Variants in ZFP1 observed in about 807,000 individuals in gnomAD.
ZFP1 encodes zinc finger protein 1 homolog.
A neutral mutation model predicts 38.5 loss-of-function variants in ZFP1; 32 were observed. That is an observed-to-expected ratio of 0.83 (90% CI 0.63 to 1.12). The LOEUF (loss-of-function observed/expected upper bound fraction) is 1.12, where lower values mean the gene tolerates loss of function less well. ZFP1 is among the 50% of genes most tolerant of loss of function. The pLI is 0.00. For missense variants in ZFP1, 616 were observed against 480.8 expected, an observed-to-expected ratio of 1.28 and a Z score of -2.63; for synonymous variants, 245 against 168.8, an observed-to-expected ratio of 1.45 and a Z score of -3.50.
Position 75,169,516 on chromosome 16 carries a change from G to T in ZFP1, c.406G>T (p.Glu136Ter). ...YAGKQTDECN[E>*]FGKALLYLKQ... ...AGGAAAGCAGACTGATGAGTGTAAT[G>T]AATTTGGAAAAGCACTTCTCTACCT... Residue 136 changes from glutamate to a stop codon, truncating the protein, a stop_gained, in exon 4 of 4, where the codon GAA becomes TAA. Coordinates refer to ENST00000570010, the MANE Select transcript of ZFP1 (RefSeq NM_153688.4). LOFTEE classifies it high-confidence loss of function. 6.2e-7 allele frequency: 1 copy of T among 1,613,206 alleles called. No individual in the cohort carries two copies. Among genetic ancestry groups the T allele is most frequent in the South Asian group, 1.1e-5 (1 of 90,838 alleles).
In ZFP1 at chr16:75,171,794, G is replaced by A. The variant is rs530647274; in HGVS notation, c.*1460G>A. On this transcript the variant is annotated 3_prime_UTR_variant, in exon 4 of 4. Transcript: ENST00000570010. The stretch of plus-strand genomic sequence containing the variant: ...AACATCCATAGCCCAATAAGCTTTT[G>A]TCTAAGTTGTCATCTTACTTACTCA... 6.6e-6 allele frequency: 1 copy of A among 152,182 alleles called. No individual in the cohort carries two copies. The highest frequency in any genetic ancestry group is 1.5e-5 in the Non-Finnish European group (1 of 68,026). 9.4% of individuals were successfully genotyped at this position (152,182 alleles called of 1,614,324 possible).
At chr16:75,127,351 G>T in the ZFP1 span, among the ~76,000 whole-genome samples, 2 of 152,140 alleles carry the variant, frequency 1.3e-5, no homozygotes, top group South Asian at 2.1e-4. Flanking sequence ...CTGGGCTCAA[G>T]TGATTCTTAA....
chr16:75,163,500 C>T (rs922078034), intron 2 of ZFP1, among the ~76,000 whole-genome samples: 1 of 151,660 alleles, frequency 6.6e-6, no homozygotes, highest in Non-Finnish European at 1.5e-5. Flanking sequence ...TTAGTAGAGA[C>T]GGGGTTTCAC....
the ZFP1 span, among the ~76,000 whole-genome samples, chr16:75,129,525 G>T: frequency 6.6e-6 from 1 of 152,152 alleles, no homozygotes. Context: ...CCTTTTGCCT[G>T]TCTTGGAGAG....
the ZFP1 span, among the ~76,000 whole-genome samples, chr16:75,139,926 A>G: frequency 6.6e-6 from 1 of 152,202 alleles, no homozygotes; most frequent in African/African-American, 2.4e-5. Flanking sequence ...ACACTTGAAA[A>G]TGGTTAAGAT....
At chr16:75,121,886 G>T in the ZFP1 span, among the ~76,000 whole-genome samples, 1 of 152,086 alleles carries the variant, frequency 6.6e-6, no homozygotes, top group African/African-American at 2.4e-5. Context: ...CTGAAGAATT[G>T]CCAGCATACA....
chr16:75,170,611 T>C lies in ZFP1; in HGVS notation c.*277T>C, dbSNP rs1162406605. 3.0e-6 allele frequency: 1 copy of C among 329,178 alleles called. No homozygotes were observed. Among genetic ancestry groups the C allele is most frequent in the Non-Finnish European group, 5.4e-6 (1 of 183,568 alleles). 20.4% of individuals were successfully genotyped at this position (329,178 alleles called of 1,614,324 possible). A position where few individuals can be genotyped will look rare whatever the true frequency, so the allele number is the denominator to read the frequency against. ...AAAATCTTGAATGAATTGAGTATTC[T>C]AGACAGCAGCATAAGAAATATACAA... On this transcript the variant is annotated 3_prime_UTR_variant, in exon 4 of 4. Coordinates refer to ENST00000570010, the MANE Select transcript of ZFP1 (RefSeq NM_153688.4).
At position 75,160,735 on chromosome 16, in the gene ZFP1, G is replaced by A. The variant is rs187453987; in HGVS notation, c.16-6035G>A. Among the ~76,000 whole-genome samples the A allele has an allele frequency of 2.7e-3, 411 of 151,946 alleles. 1 individual carries two copies. The highest frequency in any genetic ancestry group is 9.4e-3 in the African/African-American group (390 of 41,462). On this transcript the variant is annotated intron_variant, in intron 2 of 3. Coordinates refer to ENST00000570010, the MANE Select transcript of ZFP1 (RefSeq NM_153688.4). ...GAGAGTCCAAGATCAAGGTGCTGGT[G>A]AAGGCCTGGTCTCTTCTTCCAGGAT... is the stretch of plus-strand genomic sequence containing the variant.
At chr16:75,130,155 C>A in the ZFP1 span, among the ~76,000 whole-genome samples, 1 of 152,100 alleles carries the variant, frequency 6.6e-6, no homozygotes, top group East Asian at 1.9e-4. Context: ...TATGCACTAC[C>A]ACACCTGGCT....
the ZFP1 span, among the ~76,000 whole-genome samples, chr16:75,136,901 C>T: frequency 1.3e-5 from 2 of 151,782 alleles, no homozygotes; most frequent in Admixed American, 1.3e-4. Context: ...AAAAAAGGAC[C>T]CTGTTTGTAG....
At chr16:75,148,979 C>T (rs1370725529) in intron 1 of ZFP1, 1 of 151,182 alleles carries the variant, frequency 6.6e-6, no homozygotes, top group Non-Finnish European at 1.5e-5. Flanking sequence ...CGCGCGCGCG[C>T]GGGACGAGGC....
chr16:75,163,230 C>T (rs1012082664), intron 2 of ZFP1, among the ~76,000 whole-genome samples: 2 of 151,938 alleles, frequency 1.3e-5, no homozygotes, highest in African/African-American at 4.8e-5. Context: ...TTACAAAAAT[C>T]ATACATTAAT....
intron 2 of ZFP1, among the ~76,000 whole-genome samples, chr16:75,164,994 G>C (rs1314934944): frequency 6.6e-6 from 1 of 151,908 alleles, no homozygotes; most frequent in African/African-American, 2.4e-5. Context: ...TAGTAGAGAC[G>C]GGGTTTCTCC....
At chr16:75,159,632 T>C (rs8049017) in intron 2 of ZFP1, among the ~76,000 whole-genome samples, 143,104 of 151,676 alleles carry the variant, frequency 0.94, 67,622 homozygotes, top group African/African-American at 0.99. Flanking sequence ...TCTCAAACTC[T>C]TGGGCTCAAT....
In ZFP1 at chr16:75,156,582, C is replaced by T. The variant is rs538592527; in HGVS notation, c.15+3616C>T. On this transcript the variant is annotated intron_variant, in intron 2 of 3. Coordinates refer to ENST00000570010, the MANE Select transcript of ZFP1 (RefSeq NM_153688.4). ...CTTTCCTGAGAGTTTACAGAAGTCC[C>T]GTTTGGGGAGGTTATTGGCAAGGTC... Among the ~76,000 whole-genome samples, 344 of 152,228 alleles carry T rather than the reference C, an allele frequency of 2.3e-3. 2 individuals are homozygous for T. The highest frequency in any genetic ancestry group is 3.7e-3 in the Non-Finnish European group (253 of 68,028).
intron 2 of ZFP1, among the ~76,000 whole-genome samples, chr16:75,155,567 C>G (rs370435569): frequency 2.6e-5 from 4 of 152,126 alleles, no homozygotes; most frequent in East Asian, 1.9e-4. Flanking sequence ...TGTATTAAGA[C>G]ATAACACTCT....
chr16:75,125,738 C>A, the ZFP1 span, among the ~76,000 whole-genome samples: 1 of 152,072 alleles, frequency 6.6e-6, no homozygotes, highest in African/African-American at 2.4e-5. Flanking sequence ...TAAATCTCTT[C>A]TCTTAAAGAA....
chr16:75,150,513 C>T (rs2037143899), intron 1 of ZFP1, among the ~76,000 whole-genome samples: 1 of 152,200 alleles, frequency 6.6e-6, no homozygotes, highest in African/African-American at 2.4e-5. Context: ...GCCATCGCAC[C>T]CGGCCCAGAT....
intron 3 of ZFP1, 26 bp from the exon 4 acceptor site, chr16:75,169,226 TC>T (rs1340275854): frequency 6.4e-7 from 1 of 1,572,692 alleles, no homozygotes; most frequent in African/African-American, 1.4e-5. Context: ...TTGACAAGGT[TC>T]TTTTCATTGT....
Sources: allele counts gnomAD v4.1 joint callset (sites outside exome capture counted in the v4.1 genomes callset), GRCh38; gene constraint gnomAD v4.1.1; transcripts MANE v1.5; gene names NCBI Gene and HGNC (gene_info 2026-07-23, HGNC 2026-07-21).